The following ADCY3 variants were observed in gnomAD, a reference collection of about 807,000 sequenced individuals.
ADCY3 encodes the protein adenylate cyclase type 3.
A neutral mutation model predicts 119.4 loss-of-function variants in ADCY3; 70 were observed. The observed-to-expected ratio is 0.59, with a 90% confidence interval of 0.48 to 0.72. The LOEUF (loss-of-function observed/expected upper bound fraction) is 0.72, where lower values mean the gene tolerates loss of function less well. Among genes scored for constraint, ADCY3 ranks in the 30% least tolerant of loss-of-function variants. The probability of loss-of-function intolerance (pLI) is 0.00; values close to 1 mark genes in which losing one functional copy is unlikely to be tolerated. For missense variants in ADCY3, 1,238 were observed against 1,541.6 expected, an observed-to-expected ratio of 0.80 and a Z score of 3.30; for synonymous variants, 672 against 621.4, an observed-to-expected ratio of 1.08 and a Z score of -1.21.
At chr2:24,907,816 G>A (rs1247836711) in intron 2 of ADCY3, among the ~76,000 whole-genome samples, 6 of 151,680 alleles carry the variant, frequency 4.0e-5, no homozygotes, top group Non-Finnish European at 8.8e-5. Flanking sequence ...CCAACATGGC[G>A]AAACCCCATC....
Position 24,842,635 on chromosome 2 carries a change from G to GCATC in ADCY3, c.826-255_826-252dup. ...TGAGGGGAGCCAGAAACGCAGTGAA[G>GCATC]CATCCCAACGTGGCTCTGTGCTCAG... is the stretch of plus-strand genomic sequence containing the variant. On this transcript the variant is annotated intron_variant, in intron 3 of 21. Transcript: ENST00000679454. The surrounding 1 kb of genome is among the most constrained non-coding windows in gnomAD (Gnocchi z 4.9). 2.0e-6 allele frequency: 1 copy of GCATC among 488,058 alleles called. No individual in the cohort carries two copies. The highest frequency in any genetic ancestry group is 3.8e-6 in the Non-Finnish European group (1 of 266,296). 30.2% of individuals were successfully genotyped at this position (488,058 alleles called of 1,614,324 possible). A position where few individuals can be genotyped will look rare whatever the true frequency, so the allele number is the denominator to read the frequency against.
intron 2 of ADCY3, among the ~76,000 whole-genome samples, chr2:24,908,228 C>A (rs1663137197): frequency 6.6e-6 from 1 of 151,942 alleles, no homozygotes; most frequent in Non-Finnish European, 1.5e-5. Context: ...AAGGCTGAGG[C>A]AGGAGAATCA....
chr2:24,899,063 G>A lies in ADCY3; in HGVS notation c.675+19250C>T, dbSNP rs114793284. Among the ~76,000 whole-genome samples the A allele has an allele frequency of 0.03, 4,589 of 152,028 alleles. 100 individuals carry two copies. The highest frequency in any genetic ancestry group is 0.058 in the African/African-American group (2,399 of 41,436). On this transcript the variant is annotated intron_variant, in intron 2 of 21. Coordinates refer to ENST00000679454, the MANE Select transcript of ADCY3 (RefSeq NM_004036.5). The surrounding 1 kb of genome is among the most constrained non-coding windows in gnomAD (Gnocchi z 4.5). Reference sequence around the variant, plus strand: ...AATCCCGGTGTCACTGGCTTCCAATGTCCCCCTACCCCTCCCACCTTTTCC... The same window carrying A: ...AATCCCGGTGTCACTGGCTTCCAATATCCCCCTACCCCTCCCACCTTTTCC...
At chr2:24,871,532 G>A (rs1407220789) in intron 3 of ADCY3, among the ~76,000 whole-genome samples, 1 of 152,246 alleles carries the variant, frequency 6.6e-6, no homozygotes, top group African/African-American at 2.4e-5. Flanking sequence ...ACTGTCTAGA[G>A]AATGTGAGTG....
chr2:24,860,257 A>G (rs1279082315), intron 3 of ADCY3, among the ~76,000 whole-genome samples: 1 of 152,176 alleles, frequency 6.6e-6, no homozygotes, highest in African/African-American at 2.4e-5. Context: ...CAAGGTCCCC[A>G]ACTAACCCCT....
At chr2:24,887,740 G>A (rs1677224586) in intron 2 of ADCY3, among the ~76,000 whole-genome samples, 2 of 152,132 alleles carry the variant, frequency 1.3e-5, no homozygotes, top group South Asian at 2.1e-4. Context: ...TCTCCATCAT[G>A]GGCCTGGGCC....
At chr2:24,820,913 A>G (rs1667549621) in intron 20 of ADCY3, 65 bp from the exon 21 acceptor site, 2 of 1,592,382 alleles carry the variant, frequency 1.3e-6, no homozygotes, top group Non-Finnish European at 8.6e-7. Context: ...CTCAGAAGCC[A>G]TCTCCTCTCC....
At chr2:24,873,752 G>C (rs576332701) in intron 2 of ADCY3, among the ~76,000 whole-genome samples, 1 of 152,206 alleles carries the variant, frequency 6.6e-6, no homozygotes, top group Non-Finnish European at 1.5e-5. Flanking sequence ...TTCCTGGTCT[G>C]GCTCCTCCAG....
Position 24,919,364 on chromosome 2 carries a change from A to T in ADCY3, c.-197-180T>A, listed in dbSNP as rs1664844566. The T allele has an allele frequency of 4.9e-6, 1 of 202,936 alleles. No homozygotes were observed. The highest frequency in any genetic ancestry group is 5.3e-5 in the Admixed American group (1 of 18,810). 12.6% of individuals were successfully genotyped at this position (202,936 alleles called of 1,614,324 possible). On this transcript the variant is annotated intron_variant, in intron 1 of 21. Coordinates refer to ENST00000679454, the MANE Select transcript of ADCY3 (RefSeq NM_004036.5). The surrounding 1 kb of genome is among the most constrained non-coding windows in gnomAD (Gnocchi z 5.5). ...AGGCACACTTAGTCCTGTCCACGCCAGACACTCAATTTCCTGTCCCTGGCT... is the reference window on the plus strand; with the variant it reads ...AGGCACACTTAGTCCTGTCCACGCCTGACACTCAATTTCCTGTCCCTGGCT...
At position 24,834,370 on chromosome 2, in the gene ADCY3, G is replaced by C. The variant is rs999519512; in HGVS notation, c.1967+115C>G. The C allele has an allele frequency of 6.9e-6, 9 of 1,299,470 alleles. No homozygotes were observed. In the East Asian group the frequency reaches 2.3e-4, roughly 33 times the overall value. 80.5% of individuals were successfully genotyped at this position (1,299,470 alleles called of 1,614,324 possible). On this transcript the variant is annotated intron_variant, in intron 11 of 21. Transcript: ENST00000679454. This position sits in a 1 kb window ranked among gnomAD's most constrained non-coding sequence, Gnocchi z 4.2. ...GGGCCGTCCCAGTGGGGGTCAGGGAGCAGAGACTGGCTTGCTCCCCAATGT... is the reference window on the plus strand; with the variant it reads ...GGGCCGTCCCAGTGGGGGTCAGGGACCAGAGACTGGCTTGCTCCCCAATGT...
At chr2:24,823,140 C>T (rs1329356199) in intron 18 of ADCY3, 69 bp downstream of exon 18, 4 of 1,532,766 alleles carry the variant, frequency 2.6e-6, no homozygotes, top group Non-Finnish European at 3.5e-6. Context: ...GCCTCTGCAG[C>T]CTATTGTAGG....
intron 2 of ADCY3, among the ~76,000 whole-genome samples, chr2:24,904,165 AAG>A (rs1237274710): frequency 3.9e-5 from 6 of 152,098 alleles, no homozygotes; most frequent in Non-Finnish European, 5.9e-5. Context: ...AAGAAAGAAA[AAG>A]AGAGAGAGAG....
intron 3 of ADCY3, among the ~76,000 whole-genome samples, chr2:24,852,204 G>A (rs959319103): frequency 2.4e-4 from 36 of 152,124 alleles, no homozygotes; most frequent in Admixed American, 3.3e-4. Context: ...CGGCTGCCTC[G>A]GGGGGAACTT....
At chr2:24,916,321 A>G (rs1399544210) in intron 2 of ADCY3, among the ~76,000 whole-genome samples, 1 of 152,206 alleles carries the variant, frequency 6.6e-6, no homozygotes, top group African/African-American at 2.4e-5. Context: ...CAGGAGCCTC[A>G]AAATAAGCTC....
intron 3 of ADCY3, among the ~76,000 whole-genome samples, chr2:24,862,873 C>CA (rs1391079575): frequency 6.6e-6 from 1 of 152,120 alleles, no homozygotes; most frequent in Non-Finnish European, 1.5e-5. Context: ...TTGTATCCAA[C>CA]AATCATATGA....
chr2:24,838,401 GGGGTGGGGT>G (rs144091796), intron 8 of ADCY3, 35 bp downstream of exon 8: 399,324 of 1,502,792 alleles, frequency 0.27, 55,694 homozygotes, highest in Non-Finnish European at 0.28. Context: ...CCCTAATCCA[GGGGTGGGGT>G]GGGTGGGGTG....
At chr2:24,894,599 A>G (rs941528261) in intron 2 of ADCY3, among the ~76,000 whole-genome samples, 1 of 152,198 alleles carries the variant, frequency 6.6e-6, no homozygotes, top group Non-Finnish European at 1.5e-5. Flanking sequence ...TCTAAACTCC[A>G]AAGTACCTTG....
At chr2:24,856,983 C>T (rs1673072074) in intron 3 of ADCY3, among the ~76,000 whole-genome samples, 1 of 152,190 alleles carries the variant, frequency 6.6e-6, no homozygotes, top group Non-Finnish European at 1.5e-5. Flanking sequence ...GGCACCAGAC[C>T]AGTGTCCCCA....
chr2:24,906,091 G>A (rs1679413278), intron 2 of ADCY3, among the ~76,000 whole-genome samples: 2 of 152,134 alleles, frequency 1.3e-5, no homozygotes, highest in Non-Finnish European at 2.9e-5. Context: ...CGGATCACCT[G>A]AGGTCAGGAG....
Sources: allele counts gnomAD v4.1 joint callset (sites outside exome capture counted in the v4.1 genomes callset), GRCh38; gene constraint gnomAD v4.1.1; non-coding constraint Gnocchi (gnomAD v3.1); transcripts MANE v1.5; gene names NCBI Gene and HGNC (gene_info 2026-07-23, HGNC 2026-07-21).